UBR3: variants seen among roughly 807,000 people sequenced by gnomAD.
UBR3 encodes the protein ubiquitin protein ligase E3 component n-recognin 3.
UBR3 carries 85 observed loss-of-function variants against 243.2 expected under a neutral mutation model. The ratio of observed to expected loss-of-function variants is 0.35; its 90% confidence interval spans 0.29 to 0.42. The LOEUF (loss-of-function observed/expected upper bound fraction) is 0.42. Among genes scored for constraint, UBR3 ranks in the 10% least tolerant of loss-of-function variants. The pLI, the probability that UBR3 is intolerant of heterozygous loss-of-function variation, is 1.00. For missense variants in UBR3, 1,686 were observed against 2,300.8 expected (o/e 0.73, Z 5.47); for synonymous variants, 748 against 799.8 (o/e 0.94, Z 1.09).
At position 169,980,892 on chromosome 2, in the gene UBR3, C is replaced by G. The variant is rs541421295; in HGVS notation, c.3635-5753C>G. ...GGGGCAGGGAACATGCAGGGTGGAT[C>G]TGGTGTATCTCATAGGGCCAGAAAG... On this transcript the variant is annotated intron_variant, in intron 24 of 38. Transcript: ENST00000272793. Among the ~76,000 whole-genome samples the G allele has an allele frequency of 1.0e-3, 152 of 150,428 alleles. 1 individual carries two copies. The Middle Eastern group carries it at 0.017, about 17-fold the overall frequency.
At chr2:169,835,885 G>C (rs2082067812) in intron 1 of UBR3, among the ~76,000 whole-genome samples, 1 of 150,800 alleles carries the variant, frequency 6.6e-6, no homozygotes, top group African/African-American at 2.4e-5. Context: ...TGCCATGTTT[G>C]CTCTAGAGTT....
Position 169,836,465 on chromosome 2 carries a change from A to C in UBR3, c.545+8413A>C, listed in dbSNP as rs371727449. On this transcript the variant is annotated intron_variant, in intron 1 of 38. Coordinates refer to ENST00000272793, the MANE Select transcript of UBR3 (RefSeq NM_172070.4). ...AACACATGGACACCACGAAGGGAAC[A>C]ACACACACAGGGGCCTGTTGGGTCG... Among the ~76,000 whole-genome samples the C allele has an allele frequency of 3.3e-5, 5 of 152,042 alleles. No homozygotes were observed. The East Asian group carries it at 7.7e-4, about 24-fold the overall frequency.
chr2:170,021,355 G>A (rs2090386890), intron 30 of UBR3, among the ~76,000 whole-genome samples: 1 of 152,088 alleles, frequency 6.6e-6, no homozygotes, highest in Non-Finnish European at 1.5e-5. Flanking sequence ...CAGATCTGGA[G>A]GCTGGGAAGT....
intron 24 of UBR3, among the ~76,000 whole-genome samples, chr2:169,969,741 G>A (rs1158096819): frequency 6.6e-6 from 1 of 151,468 alleles, no homozygotes; most frequent in Admixed American, 6.6e-5. Context: ...AGTAGAGATG[G>A]GGTTTCACTG....
At chr2:169,865,632 T>G (rs1183309527) in intron 1 of UBR3, among the ~76,000 whole-genome samples, 1 of 152,192 alleles carries the variant, frequency 6.6e-6, no homozygotes, top group African/African-American at 2.4e-5. Context: ...AAGAGAGCTT[T>G]CTGTGTTTTC....
chr2:169,956,300 T>TTATATA (rs145201293), intron 23 of UBR3, among the ~76,000 whole-genome samples: 12,013 of 146,926 alleles, frequency 0.082, 547 homozygotes, highest in African/African-American at 0.13. Context: ...AACTAAAATG[T>TTATATA]TATATATATA....
chr2:169,944,198 G>T (rs2086701825), intron 20 of UBR3, among the ~76,000 whole-genome samples: 1 of 152,084 alleles, frequency 6.6e-6, no homozygotes. Context: ...ATATATACTT[G>T]TAGACATTAT....
chr2:169,846,711 A>G (rs1158193836), intron 1 of UBR3, among the ~76,000 whole-genome samples: 1 of 140,020 alleles, frequency 7.1e-6, no homozygotes, highest in African/African-American at 2.9e-5. Flanking sequence ...CTCTGTCTCA[A>G]AAAAAAAAAA....
chr2:169,893,872 T>G (rs2084471504), intron 6 of UBR3, among the ~76,000 whole-genome samples: 1 of 152,248 alleles, frequency 6.6e-6, no homozygotes, highest in Non-Finnish European at 1.5e-5. Flanking sequence ...ATATTATAAT[T>G]TTTAGTTACA....
At chr2:169,999,806 A>G (rs2089627519) in intron 26 of UBR3, among the ~76,000 whole-genome samples, 1 of 150,142 alleles carries the variant, frequency 6.7e-6, no homozygotes, top group Non-Finnish European at 1.5e-5. Context: ...AAGAGAAAGG[A>G]AAGATGAAAG....
intron 35 of UBR3, among the ~76,000 whole-genome samples, chr2:170,071,593 T>G (rs565622746): frequency 2.0e-5 from 3 of 152,298 alleles, no homozygotes; most frequent in African/African-American, 7.2e-5. Context: ...TGGTTGAATG[T>G]TATGGTATGT....
At chr2:169,884,876 A>G (rs1271862881) in intron 5 of UBR3, among the ~76,000 whole-genome samples, 1 of 152,208 alleles carries the variant, frequency 6.6e-6, no homozygotes, top group African/African-American at 2.4e-5. Context: ...TCAAAATGCA[A>G]TAATTATTAT....
chr2:169,905,396 A>G (rs1212404893), intron 9 of UBR3, 103 bp downstream of exon 9: 2 of 785,484 alleles, frequency 2.5e-6, no homozygotes, highest in South Asian at 7.9e-5. Flanking sequence ...CACGCTACAC[A>G]TGAAATAGCT....
intron 24 of UBR3, among the ~76,000 whole-genome samples, chr2:169,982,267 T>G (rs1574334939): frequency 6.6e-6 from 1 of 151,742 alleles, no homozygotes; most frequent in South Asian, 2.1e-4. Flanking sequence ...CTATATCATT[T>G]CCCCATCCTT....
intron 5 of UBR3, among the ~76,000 whole-genome samples, chr2:169,880,358 T>A (rs1251583417): frequency 6.6e-6 from 1 of 152,268 alleles, no homozygotes; most frequent in Admixed American, 6.5e-5. Flanking sequence ...TAGCATTATG[T>A]ATCCAACAGG....
chr2:170,047,499 G>A (rs923277254), intron 32 of UBR3, among the ~76,000 whole-genome samples: 2 of 152,032 alleles, frequency 1.3e-5, no homozygotes, highest in African/African-American at 4.8e-5. Context: ...GGGACTCCTG[G>A]CCATATACAA....
intron 18 of UBR3, among the ~76,000 whole-genome samples, chr2:169,932,343 G>T (rs1242041700): frequency 6.6e-6 from 1 of 152,146 alleles, no homozygotes; most frequent in Non-Finnish European, 1.5e-5. Context: ...TGCCCAAAGT[G>T]CTGGGATTAC....
chr2:169,845,539 C>CTTCTTCT (rs1559012507), intron 1 of UBR3, among the ~76,000 whole-genome samples: 2 of 144,898 alleles, frequency 1.4e-5, no homozygotes, highest in African/African-American at 5.0e-5. Context: ...TCGTCTTCTT[C>CTTCTTCT]TTCTTCTTCT....
Position 169,872,318 on chromosome 2 carries a change from C to T in UBR3, c.628C>T (p.Leu210Phe). The change falls in exon 2 of 39, where the codon CTT (leucine) becomes TTT (phenylalanine). Residue 210 changes from leucine (L) to phenylalanine (F), a missense_variant. Physicochemically the swap from Leu to Phe is conservative, Grantham distance 22. Transcript: ENST00000272793. ...KDLLMMSEFV[L>F]PRFIFCLIQY... Reference sequence around the variant, plus strand: ...CTTACTGATGATGTCTGAATTTGTTCTTCCAAGATTTATATTTTGTCTTAT... The same window carrying T: ...CTTACTGATGATGTCTGAATTTGTTTTTCCAAGATTTATATTTTGTCTTAT... 6.5e-7 allele frequency: 1 copy of T among 1,527,048 alleles called. No homozygotes were observed. Among genetic ancestry groups the T allele is most frequent in the Non-Finnish European group, 8.9e-7 (1 of 1,128,242 alleles). The allele number at this position is 1,527,048 out of a possible 1,614,324, so 94.6% of individuals were successfully genotyped here. A position where few individuals can be genotyped will look rare whatever the true frequency, so the allele number is the denominator to read the frequency against.
Sources: allele counts gnomAD v4.1 joint callset (sites outside exome capture counted in the v4.1 genomes callset), GRCh38; gene constraint gnomAD v4.1.1; transcripts MANE v1.5; gene names NCBI Gene and HGNC (gene_info 2026-07-23, HGNC 2026-07-21).